ITGA8: variants seen among roughly 807,000 people sequenced by gnomAD.
ITGA8 encodes the protein integrin alpha-8.
In ITGA8, 91 loss-of-function variants were observed where a neutral mutation model predicts 142.3. The observed-to-expected ratio is 0.64, with a 90% CI of 0.54 to 0.76. The LOEUF (loss-of-function observed/expected upper bound fraction) is 0.76, where lower values mean the gene tolerates loss of function less well. Among genes scored for constraint, ITGA8 ranks in the 30% least tolerant of loss-of-function variants. The pLI is 0.00. For missense variants in ITGA8, 1,406 were observed against 1,327.7 expected, an observed-to-expected ratio of 1.06 and a Z score of -0.92; for synonymous variants, 505 against 485.2, an observed-to-expected ratio of 1.04 and a Z score of -0.54.
intron 27 of ITGA8, among the ~76,000 whole-genome samples, chr10:15,535,996 G>T (rs1329787706): frequency 6.6e-6 from 1 of 151,802 alleles, no homozygotes; most frequent in Admixed American, 6.6e-5. Context: ...AACATTCACC[G>T]AGAAGGTCCG....
At chr10:15,703,356 G>A (rs1260382520) in intron 2 of ITGA8, among the ~76,000 whole-genome samples, 1 of 152,158 alleles carries the variant, frequency 6.6e-6, no homozygotes, top group African/African-American at 2.4e-5. Context: ...TCAGACAGTT[G>A]CTTGGTAGTA....
intron 27 of ITGA8, among the ~76,000 whole-genome samples, chr10:15,535,890 A>G (rs1203137270): frequency 6.6e-6 from 1 of 151,818 alleles, no homozygotes; most frequent in East Asian, 1.9e-4. Context: ...GAGCTGTAAC[A>G]CTCACCTCGA....
rs758599067 is a variant in ITGA8 at position 15,647,010 on chromosome 10, C to A, written c.1043G>T (p.Arg348Leu). Reference protein sequence around the residue: ...VLVGAPLFMEREFESNPREVG... With the variant: ...VLVGAPLFMELEFESNPREVG... Reference sequence around the variant, plus strand: ...TTCTCTGGGGTTGCTCTCAAATTCACGTTCCATAAAGAGAGGTGCCCCAAC... The same window carrying A: ...TTCTCTGGGGTTGCTCTCAAATTCAAGTTCCATAAAGAGAGGTGCCCCAAC... Residue 348 changes from arginine to leucine, a missense_variant, in exon 12 of 30, where the codon CGT (arginine) becomes CTT (leucine). Coordinates refer to ENST00000378076, the MANE Select transcript of ITGA8 (RefSeq NM_003638.3). The A allele has an allele frequency of 6.2e-7, 1 of 1,613,938 alleles. No individual in the cohort carries two copies. Among genetic ancestry groups the A allele is most frequent in the South Asian group, 1.1e-5 (1 of 91,066 alleles).
intron 8 of ITGA8, among the ~76,000 whole-genome samples, chr10:15,665,299 C>T (rs1442846658): frequency 6.6e-6 from 1 of 152,134 alleles, no homozygotes; most frequent in Admixed American, 6.6e-5. Flanking sequence ...TGTTTTTTGG[C>T]TGCATAAATG....
rs202182852 is a variant in ITGA8 at position 15,529,051 on chromosome 10, C to CCTTCCTTT, written c.2982+1991_2982+1998dup. On this transcript the variant is annotated intron_variant, in intron 28 of 29. Coordinates refer to ENST00000378076, the MANE Select transcript of ITGA8 (RefSeq NM_003638.3). ...TCCCTCCCTTCCTTTCTCCTTCCTTCCTTCCTTTCTTCCTTTCTTCCTTTC... is the reference window on the plus strand; with the variant it reads ...TCCCTCCCTTCCTTTCTCCTTCCTTCCTTCCTTTCTTCCTTTCTTCCTTTCTTCCTTTC... 7.3e-3 allele frequency among the ~76,000 whole-genome samples: 1,092 copies of CCTTCCTTT among 150,022 alleles called. 12 individuals carry two copies. The highest frequency in any genetic ancestry group is 0.024 in the African/African-American group (970 of 40,432).
chr10:15,597,033 C>T (rs890004459), intron 21 of ITGA8, 174 bp downstream of exon 21: 19 of 587,334 alleles, frequency 3.2e-5, no homozygotes, highest in Non-Finnish European at 4.6e-5. Flanking sequence ...TAGCTTGAGA[C>T]GATTCACTCT....
chr10:15,641,987 G>C (rs962164241), intron 13 of ITGA8, among the ~76,000 whole-genome samples: 1 of 152,138 alleles, frequency 6.6e-6, no homozygotes, highest in Non-Finnish European at 1.5e-5. Flanking sequence ...AATGAGCTGA[G>C]TGTGGTGGCA....
In ITGA8 at chr10:15,684,144, A is replaced by G. The variant is rs1039781291; in HGVS notation, c.445-17T>C. ...AGCACAGGCCTAGGAAACATCAAAGACAAAAAAATACATTTTTGATGTAGG... is the reference window on the plus strand; with the variant it reads ...AGCACAGGCCTAGGAAACATCAAAGGCAAAAAAATACATTTTTGATGTAGG... On this transcript the variant is annotated splice_polypyrimidine_tract_variant and intron_variant, in intron 3 of 29. Coordinates refer to ENST00000378076, the MANE Select transcript of ITGA8 (RefSeq NM_003638.3). 1.3e-6 allele frequency: 2 copies of G among 1,596,794 alleles called. No individual in the cohort carries two copies. The highest frequency in any genetic ancestry group is 2.7e-5 in the African/African-American group (2 of 73,628).
intron 27 of ITGA8, among the ~76,000 whole-genome samples, chr10:15,541,366 C>T (rs4750671): frequency 0.19 from 28,499 of 152,164 alleles, 3,461 homozygotes; most frequent in African/African-American, 0.34. Context: ...GCATCTCAAA[C>T]GAAGCCATCA....
chr10:15,536,775 A>T (rs149938673), intron 27 of ITGA8, among the ~76,000 whole-genome samples: 1 of 152,178 alleles, frequency 6.6e-6, no homozygotes, highest in African/African-American at 2.4e-5. Context: ...TGTCTCTATC[A>T]TGCACTTTTG....
chr10:15,612,384 T>C (rs917927287), intron 15 of ITGA8, among the ~76,000 whole-genome samples: 2 of 152,218 alleles, frequency 1.3e-5, no homozygotes, highest in Admixed American at 1.3e-4. Flanking sequence ...TCTGCAATTC[T>C]GACATTCTCA....
At chr10:15,563,619 A>G (rs183939709) in intron 25 of ITGA8, among the ~76,000 whole-genome samples, 1 of 152,344 alleles carries the variant, frequency 6.6e-6, no homozygotes, top group Admixed American at 6.5e-5. Flanking sequence ...TGGTGCTAAA[A>G]CAATAGCCCA....
intron 28 of ITGA8, among the ~76,000 whole-genome samples, chr10:15,525,877 C>A (rs999647612): frequency 6.6e-6 from 1 of 151,770 alleles, no homozygotes; most frequent in Non-Finnish European, 1.5e-5. Flanking sequence ...CATTTTTTTA[C>A]TAAGTCTCCA....
At position 15,592,227 on chromosome 10, in the gene ITGA8, T is replaced by G. The variant is rs771642381; in HGVS notation, c.2289A>C (p.Arg763Ser). 3.7e-6 allele frequency: 6 copies of G among 1,611,684 alleles called. No individual in the cohort carries two copies. The highest frequency in any genetic ancestry group is 5.1e-6 in the Non-Finnish European group (6 of 1,177,984). Residue 763 changes from arginine (R) to serine (S), a missense_variant and splice_region_variant, in exon 22 of 30, where the codon AGA (arginine) becomes AGC (serine). Physicochemically the swap from Arg to Ser is moderately radical, Grantham distance 110. Coordinates refer to ENST00000378076, the MANE Select transcript of ITGA8 (RefSeq NM_003638.3). ...NMSINFDLQI[R>S]SSNKDNPDSN... The stretch of plus-strand genomic sequence containing the variant: ...ATATAGGCATGTAAAGGTCTAACCT[T>G]CTGATTTGGAGATCGAAGTTAATGC...
chr10:15,676,375 C>G (rs1432377436), intron 6 of ITGA8, among the ~76,000 whole-genome samples: 1 of 152,156 alleles, frequency 6.6e-6, no homozygotes, highest in South Asian at 2.1e-4. Context: ...AAGCAGAGCA[C>G]AGGTTGTATT....
At chr10:15,558,279 G>C (rs991641007) in intron 25 of ITGA8, 77 bp from the exon 26 acceptor site, 15 of 1,552,996 alleles carry the variant, frequency 9.7e-6, no homozygotes, top group Non-Finnish European at 1.1e-5. Context: ...TTGAACTCTA[G>C]GCAATTTTTT....
At chr10:15,594,862 T>C (rs1426667879) in intron 21 of ITGA8, among the ~76,000 whole-genome samples, 1 of 152,204 alleles carries the variant, frequency 6.6e-6, no homozygotes, top group Non-Finnish European at 1.5e-5. Flanking sequence ...AACCTTATTG[T>C]ATTGCGATAG....
At chr10:15,708,384 G>GA (rs1012505214) in intron 2 of ITGA8, among the ~76,000 whole-genome samples, 2 of 152,058 alleles carry the variant, frequency 1.3e-5, no homozygotes, top group African/African-American at 4.8e-5. Flanking sequence ...AAAGAAAAGA[G>GA]AAAAAAAATT....
chr10:15,716,070 G>A (rs1310747552), intron 2 of ITGA8, among the ~76,000 whole-genome samples: 4 of 152,198 alleles, frequency 2.6e-5, no homozygotes, highest in African/African-American at 9.7e-5. Context: ...CCTCCCCAGT[G>A]GGACCTCCCT....
Sources: gnomAD v4.1 joint callset for allele counts (sites outside exome capture counted in the v4.1 genomes callset) on GRCh38, gnomAD v4.1.1 for gene constraint, MANE v1.5 for transcripts, NCBI Gene and HGNC (gene_info 2026-07-23, HGNC 2026-07-21) for gene names.